The following MRAP variants were observed in gnomAD, a reference collection of about 807,000 sequenced individuals.
MRAP encodes melanocortin-2 receptor accessory protein.
A neutral mutation model predicts 8.7 loss-of-function variants in MRAP; 8 were observed. The observed-to-expected ratio is 0.92, with a 90% CI of 0.54 to 1.66. MRAP has a LOEUF of 1.66. MRAP is among the 40% of genes most tolerant of loss of function. MRAP has a pLI of 0.00. For missense variants in MRAP, 237 were observed against 217.1 expected, an observed-to-expected ratio of 1.09 and a Z score of -0.58; for synonymous variants, 95 against 95.5, an observed-to-expected ratio of 1.00 and a Z score of 0.03.
chr21:32,301,068 TC>T (rs963887561), intron 1 of MRAP, among the ~76,000 whole-genome samples: 5 of 151,732 alleles, frequency 3.3e-5, no homozygotes, highest in African/African-American at 1.2e-4. Context: ...ATATCATATA[TC>T]CATATATATC....
intron 1 of MRAP, 174 bp from the exon 2 acceptor site, chr21:32,306,466 C>T: frequency 2.9e-6 from 2 of 678,964 alleles, no homozygotes; most frequent in Non-Finnish European, 5.4e-6. Flanking sequence ...CTCCCCTGTT[C>T]TTTCCCAAAG....
intron 1 of MRAP, among the ~76,000 whole-genome samples, chr21:32,300,718 C>CAGATGCGTCGTGCGTCCTATGTCA (rs372707008): frequency 5.1e-5 from 1 of 19,738 alleles, no homozygotes; most frequent in Non-Finnish European, 1.6e-4. Context: ...CGTCCTATGT[C>CAGATGCGTCGTGCGTCCTATGTCA]GGGGCGTCAT....
At chr21:32,299,176 G>T in intron 1 of MRAP, 99 bp downstream of exon 1, 1 of 850,954 alleles carries the variant, frequency 1.2e-6, no homozygotes. Flanking sequence ...TATTAACTCC[G>T]GTAGACATCA....
At chr21:32,296,772 A>AT (rs947260310), upstream of MRAP, among the ~76,000 whole-genome samples, 12 of 152,130 alleles carry the variant, frequency 7.9e-5, no homozygotes, top group South Asian at 2.1e-4. Context: ...ACTATAAAAG[A>AT]TTTTTTTAAA....
At chr21:32,292,573 C>T (rs1022363419) in intron 1 of MRAP, among the ~76,000 whole-genome samples, 2 of 152,142 alleles carry the variant, frequency 1.3e-5, no homozygotes, top group Non-Finnish European at 2.9e-5. Flanking sequence ...TCTCTTGCCT[C>T]AGCCTCCTGA....
chr21:32,301,534 CT>C (rs1304266703), intron 1 of MRAP, among the ~76,000 whole-genome samples: 1 of 152,202 alleles, frequency 6.6e-6, no homozygotes, highest in Admixed American at 6.5e-5. Flanking sequence ...CCTGAATTGA[CT>C]AATTACATGT....
chr21:32,307,067 G>C (rs2032437736), intron 2 of MRAP, among the ~76,000 whole-genome samples: 1 of 152,182 alleles, frequency 6.6e-6, no homozygotes, highest in South Asian at 2.1e-4. Context: ...TCTGATCCAT[G>C]CTGCAACATG....
At chr21:32,303,319 C>T (rs1195860125) in intron 1 of MRAP, among the ~76,000 whole-genome samples, 4 of 152,096 alleles carry the variant, frequency 2.6e-5, no homozygotes, top group Non-Finnish European at 4.4e-5. Flanking sequence ...GGAACCCAAA[C>T]GTTAGTAGAA....
chr21:32,306,730 C>T lies in MRAP; in HGVS notation c.197C>T (p.Pro66Leu), dbSNP rs373047760. 25 of 1,613,928 alleles carry T rather than the reference C, an allele frequency of 1.5e-5. No individual in the cohort carries two copies. The highest frequency in any genetic ancestry group is 3.3e-5 in the South Asian group (3 of 91,080). Residue 66 changes from proline (P) to leucine (L), a missense_variant, in exon 2 of 3, where the codon CCG (proline) becomes CTG (leucine). Coordinates refer to ENST00000303645, the MANE Select transcript of MRAP (RefSeq NM_001379228.1). ...CTCTACATGTCCTGGTCCGCCTCCCCGCAGATGAGGTGGGTAAGAAGGGGT... is the reference window on the plus strand; with the variant it reads ...CTCTACATGTCCTGGTCCGCCTCCCTGCAGATGAGGTGGGTAAGAAGGGGT... ...ILLYMSWSAS[P>L]QMRNSPKHHQ...
intron 2 of MRAP, 170 bp downstream of exon 2, chr21:32,306,909 C>T (rs2032434383): frequency 1.5e-6 from 1 of 682,270 alleles, no homozygotes; most frequent in Non-Finnish European, 2.7e-6. Context: ...ATCCAAAAAT[C>T]CGAAATATTC....
chr21:32,306,498 C>G, intron 1 of MRAP, 142 bp from the exon 2 acceptor site: 2 of 716,950 alleles, frequency 2.8e-6, no homozygotes, highest in Non-Finnish European at 5.1e-6. Flanking sequence ...GGGAGATCTT[C>G]CCCATGGTAA....
At position 32,312,172 on chromosome 21, in the gene MRAP, G is replaced by A. The variant is rs1383948537; in HGVS notation, c.*176G>A. On this transcript the variant is annotated 3_prime_UTR_variant, in exon 3 of 3. Transcript: ENST00000303645. ...GACAAAGATTGCAGTGGCCCCTCGAGTGCAGAGGTCATCCCAGGTGTTGCT... is the reference window on the plus strand; with the variant it reads ...GACAAAGATTGCAGTGGCCCCTCGAATGCAGAGGTCATCCCAGGTGTTGCT... 3 of 1,512,522 alleles carry A rather than the reference G, an allele frequency of 2.0e-6. No homozygotes were observed. Among genetic ancestry groups the A allele is most frequent in the Non-Finnish European group, 2.6e-6 (3 of 1,134,290 alleles). The allele number at this position is 1,512,522 out of a possible 1,614,324, so 93.7% of individuals were successfully genotyped here. A position where few individuals can be genotyped will look rare whatever the true frequency, so the allele number is the denominator to read the frequency against.
intron 2 of MRAP, 172 bp downstream of exon 2, chr21:32,306,911 G>A (rs778678799): frequency 5.7e-5 from 39 of 681,964 alleles, no homozygotes; most frequent in Admixed American, 8.2e-5. Flanking sequence ...CCAAAAATCC[G>A]AAATATTCCA....
At chr21:32,313,879 AC>A (rs1305589564), downstream of MRAP, 2 of 152,234 alleles carry the variant, frequency 1.3e-5, no homozygotes, top group Admixed American at 6.5e-5. Context: ...TAAAATTCTG[AC>A]CTTTAAAATA....
chr21:32,314,362 T>C, downstream of MRAP: 1 of 517,316 alleles, frequency 1.9e-6, no homozygotes. Context: ...TTTTTGTATT[T>C]TTAGTAGAGA....
chr21:32,302,281 T>C (rs1183777603), intron 1 of MRAP, among the ~76,000 whole-genome samples: 2 of 152,254 alleles, frequency 1.3e-5, no homozygotes, highest in East Asian at 1.9e-4. Context: ...CTGGATGTCA[T>C]AAATAAACTA....
chr21:32,298,024 C>A (rs1379217183), upstream of MRAP, among the ~76,000 whole-genome samples: 1 of 152,144 alleles, frequency 6.6e-6, no homozygotes, highest in South Asian at 2.1e-4. Context: ...AGGGAAAGGC[C>A]ATGTAAGCCG....
chr21:32,294,200 C>T (rs1021353303), upstream of MRAP, among the ~76,000 whole-genome samples: 1 of 152,168 alleles, frequency 6.6e-6, no homozygotes, highest in Admixed American at 6.5e-5. Context: ...CTGCAAGCTC[C>T]ACCTCCTGGG....
chr21:32,297,885 G>A (rs941173048), upstream of MRAP, among the ~76,000 whole-genome samples: 5 of 152,184 alleles, frequency 3.3e-5, no homozygotes, highest in African/African-American at 9.7e-5. Flanking sequence ...TGCCTCAGGC[G>A]TGGCAGGCCT....
Sources: allele counts gnomAD v4.1 joint callset (sites outside exome capture counted in the v4.1 genomes callset), GRCh38; gene constraint gnomAD v4.1.1; transcripts MANE v1.5; gene names NCBI Gene and HGNC (gene_info 2026-07-23, HGNC 2026-07-21).